SWT1: variants seen among roughly 807,000 people sequenced by gnomAD.
SWT1 encodes SWT1 RNA endoribonuclease homolog, also known as transcriptional protein SWT1.
SWT1 carries 33 observed loss-of-function variants against 107.3 expected under a neutral mutation model. The observed-to-expected ratio is 0.31, with a 90% CI of 0.23 to 0.41. SWT1 has a LOEUF of 0.41. Ranked by LOEUF, SWT1 falls within the 10% of genes least tolerant of loss-of-function variation. SWT1 has a pLI of 1.00. For synonymous variants in SWT1, 345 were observed against 348.3 expected (o/e 0.99, Z 0.11); for missense variants, 898 against 1,028.9 (o/e 0.87, Z 1.74).
intron 14 of SWT1, among the ~76,000 whole-genome samples, chr1:185,219,711 G>A (rs1447143028): frequency 2.0e-5 from 3 of 151,886 alleles, no homozygotes; most frequent in Non-Finnish European, 4.4e-5. Context: ...TTTAAAAACT[G>A]GAATCAGTAG....
chr1:185,175,925 C>T (rs1001300671), intron 5 of SWT1, among the ~76,000 whole-genome samples: 1 of 152,106 alleles, frequency 6.6e-6, no homozygotes, highest in Non-Finnish European at 1.5e-5. Flanking sequence ...ATACCTATCA[C>T]TTAATAAGAG....
intron 16 of SWT1, among the ~76,000 whole-genome samples, chr1:185,237,882 G>C (rs984466698): frequency 1.3e-5 from 2 of 151,950 alleles, no homozygotes; most frequent in African/African-American, 4.8e-5. Context: ...ATAATTACTT[G>C]AATTTTAAGG....
At chr1:185,219,704 A>G (rs1659492858) in intron 14 of SWT1, among the ~76,000 whole-genome samples, 1 of 152,148 alleles carries the variant, frequency 6.6e-6, no homozygotes, top group South Asian at 2.1e-4. Context: ...ATATATTTTT[A>G]AAAACTGGAA....
At chr1:185,200,658 G>A (rs546507649) in intron 10 of SWT1, among the ~76,000 whole-genome samples, 18 of 152,260 alleles carry the variant, frequency 1.2e-4, no homozygotes, top group South Asian at 4.1e-4. Context: ...GATGCCAGCC[G>A]GAGCTCTTCT....
rs142481164 is a variant in SWT1, at chr1:185,274,910, CTG to C, written c.2509-1691_2509-1690del. On this transcript the variant is annotated intron_variant, in intron 17 of 18. Transcript: ENST00000367500. ...AAGATCAGGCCAGACCATCATGAGA[CTG>C]TGCTTCAGTTTTTCTTTATTAGTAA... Among the ~76,000 whole-genome samples the C allele has an allele frequency of 5.0e-3, 754 of 152,270 alleles. 5 individuals are homozygous for C. The highest frequency in any genetic ancestry group is 0.017 in the African/African-American group (704 of 41,566).
intron 16 of SWT1, among the ~76,000 whole-genome samples, chr1:185,269,096 C>T (rs1407873054): frequency 1.8e-4 from 27 of 152,152 alleles, no homozygotes; most frequent in Admixed American, 1.8e-3. Flanking sequence ...TCGTGATTTG[C>T]CCGCCTCAGC....
At chr1:185,202,872 C>T (rs544877326) in intron 11 of SWT1, 73 bp downstream of exon 11, 21 of 827,420 alleles carry the variant, frequency 2.5e-5, no homozygotes, top group South Asian at 1.2e-4. Flanking sequence ...ACATTAGAAT[C>T]GATAGTAAAT....
chr1:185,211,028 C>G (rs554085941), intron 13 of SWT1, among the ~76,000 whole-genome samples: 1 of 148,362 alleles, frequency 6.7e-6, no homozygotes, highest in Admixed American at 6.7e-5. Flanking sequence ...AACCGCTGCT[C>G]AAGGAAGTAA....
At chr1:185,202,408 T>G (rs1345033852) in intron 10 of SWT1, among the ~76,000 whole-genome samples, 1 of 152,128 alleles carries the variant, frequency 6.6e-6, no homozygotes, top group Non-Finnish European at 1.5e-5. Flanking sequence ...GGGGGTAAAG[T>G]TAATACTACT....
At chr1:185,197,369 AT>A (rs1657485220) in intron 10 of SWT1, among the ~76,000 whole-genome samples, 1 of 152,088 alleles carries the variant, frequency 6.6e-6, no homozygotes, top group Admixed American at 6.6e-5. Flanking sequence ...GTTTGTTAGT[AT>A]TTTATTGAGG....
chr1:185,290,222 A>G (rs975470720), intron 18 of SWT1, among the ~76,000 whole-genome samples: 1 of 151,788 alleles, frequency 6.6e-6, no homozygotes, highest in African/African-American at 2.4e-5. Context: ...GGCTATGGTG[A>G]GCTGTGATTG....
At chr1:185,236,338 C>T (rs1483346680) in intron 16 of SWT1, among the ~76,000 whole-genome samples, 1 of 152,122 alleles carries the variant, frequency 6.6e-6, no homozygotes, top group Admixed American at 6.6e-5. Flanking sequence ...GCTACAGTAA[C>T]AAAAACAGCA....
In SWT1 at chr1:185,279,301, C is replaced by T. The variant is rs77302877; in HGVS notation, c.2573+2633C>T. 5.6e-3 allele frequency among the ~76,000 whole-genome samples: 846 copies of T among 152,168 alleles called. 34 individuals carry two copies. The East Asian group carries it at 0.093, about 17-fold the overall frequency. On this transcript the variant is annotated intron_variant, in intron 18 of 18. Coordinates refer to ENST00000367500, the MANE Select transcript of SWT1 (RefSeq NM_017673.7). ...TTTCTTGAAGCATGATCCTAGTAGA[C>T]GTCTAGAATTGTTTTGATTTTAGCT...
intron 15 of SWT1, among the ~76,000 whole-genome samples, chr1:185,223,946 A>G (rs1023902545): frequency 6.6e-6 from 1 of 152,182 alleles, no homozygotes; most frequent in Non-Finnish European, 1.5e-5. Flanking sequence ...AATGCCCTGT[A>G]TACACCATGA....
intron 2 of SWT1, among the ~76,000 whole-genome samples, chr1:185,163,116 G>T (rs961684323): frequency 2.0e-5 from 3 of 152,148 alleles, no homozygotes; most frequent in Admixed American, 2.0e-4. Context: ...CGGAAGGATG[G>T]GGTGCTGTGG....
At chr1:185,275,615 G>C (rs1664190416) in intron 17 of SWT1, among the ~76,000 whole-genome samples, 1 of 151,498 alleles carries the variant, frequency 6.6e-6, no homozygotes, top group Admixed American at 6.6e-5. Context: ...AAACTCCTGG[G>C]TTCAAATAAT....
At chr1:185,265,962 C>T (rs541909227) in intron 16 of SWT1, among the ~76,000 whole-genome samples, 133 of 152,230 alleles carry the variant, frequency 8.7e-4, no homozygotes, top group Non-Finnish European at 1.7e-3. Context: ...AAAACATTGT[C>T]TTGCCAGAAG....
At position 185,214,584 on chromosome 1, in the gene SWT1, AG is replaced by A; in HGVS notation, c.2052del (p.Arg684SerfsTer15). ...SRSLLHAFST[R>X]SNYDGILPQT... ...AAGTTTGTTACATGCTTTCAGTACAAGGTCAAATTATGATGGTATTCTTCCA... is the reference window on the plus strand; with the variant it reads ...AAGTTTGTTACATGCTTTCAGTACAAGTCAAATTATGATGGTATTCTTCCA... On this transcript the variant is annotated frameshift_variant, in exon 14 of 19. Coordinates refer to ENST00000367500, the MANE Select transcript of SWT1 (RefSeq NM_017673.7). LOFTEE classifies it high-confidence loss of function. 6.2e-7 allele frequency: 1 copy of A among 1,612,602 alleles called. No homozygotes were observed. Among genetic ancestry groups the A allele is most frequent in the African/African-American group, 1.3e-5 (1 of 74,982 alleles).
chr1:185,184,192 TTATA>T, intron 7 of SWT1, 47 bp from the exon 8 acceptor site: 1 of 925,604 alleles, frequency 1.1e-6, no homozygotes, highest in Non-Finnish European at 1.7e-6. Context: ...ATTTTAGTCA[TTATA>T]TAAGTCTGTT....
Sources: allele counts gnomAD v4.1 joint callset (sites outside exome capture counted in the v4.1 genomes callset), GRCh38; gene constraint gnomAD v4.1.1; transcripts MANE v1.5; gene names NCBI Gene and HGNC (gene_info 2026-07-23, HGNC 2026-07-21).